The following ARHGAP24 variants were observed in gnomAD, a reference collection of about 807,000 sequenced individuals.
ARHGAP24 encodes rho GTPase-activating protein 24.
In ARHGAP24, 50 loss-of-function variants were observed where a neutral mutation model predicts 76.4. The observed-to-expected ratio is 0.65, with a 90% confidence interval of 0.52 to 0.83. The LOEUF (loss-of-function observed/expected upper bound fraction) is 0.83. Among genes scored for constraint, ARHGAP24 ranks in the 40% least tolerant of loss-of-function variants. ARHGAP24 has a pLI of 0.00. For missense variants in ARHGAP24, 930 were observed against 914.2 expected (o/e 1.02, Z -0.22); for synonymous variants, 345 against 323.3 (o/e 1.07, Z -0.72).
At chr4:85,824,244 G>A (rs1239744594) in intron 3 of ARHGAP24, among the ~76,000 whole-genome samples, 3 of 152,166 alleles carry the variant, frequency 2.0e-5, no homozygotes, top group Non-Finnish European at 4.4e-5. Context: ...TCAGTGTTTC[G>A]ACAGTATTTG....
At chr4:85,640,941 G>A (rs1721497181) in intron 2 of ARHGAP24, among the ~76,000 whole-genome samples, 1 of 151,718 alleles carries the variant, frequency 6.6e-6, no homozygotes, top group African/African-American at 2.4e-5. Flanking sequence ...CAGCACTCAA[G>A]CAAATACAGA....
At chr4:85,965,223 A>G (rs111490781) in intron 5 of ARHGAP24, among the ~76,000 whole-genome samples, 52 of 152,212 alleles carry the variant, frequency 3.4e-4, no homozygotes, top group African/African-American at 1.1e-3. Context: ...TCTTACATGG[A>G]TGGCAGCAGG....
At chr4:85,588,256 T>C (rs1320321923) in intron 2 of ARHGAP24, among the ~76,000 whole-genome samples, 1 of 152,230 alleles carries the variant, frequency 6.6e-6, no homozygotes, top group East Asian at 1.9e-4. Flanking sequence ...AGCCTGCTGT[T>C]GCTTTTTAAT....
At chr4:85,924,050 A>G (rs1735885047) in intron 4 of ARHGAP24, among the ~76,000 whole-genome samples, 1 of 152,262 alleles carries the variant, frequency 6.6e-6, no homozygotes, top group South Asian at 2.1e-4. Context: ...ATTACCGACA[A>G]TACACTGTTA....
At chr4:85,875,634 T>A (rs1732879225) in intron 3 of ARHGAP24, among the ~76,000 whole-genome samples, 1 of 125,126 alleles carries the variant, frequency 8.0e-6, no homozygotes, top group South Asian at 2.2e-4. Context: ...ATATATAATA[T>A]AAATATATAT....
intron 1 of ARHGAP24, among the ~76,000 whole-genome samples, chr4:85,501,732 C>A (rs866910311): frequency 2.6e-5 from 4 of 152,224 alleles, no homozygotes; most frequent in South Asian, 4.1e-4. Flanking sequence ...TTAATTAGAT[C>A]CCATTTGTCT....
intron 3 of ARHGAP24, among the ~76,000 whole-genome samples, chr4:85,813,843 T>TA: frequency 6.8e-6 from 1 of 146,356 alleles, no homozygotes; most frequent in African/African-American, 2.5e-5. Flanking sequence ...TATATATATA[T>TA]TTGTAGTTAG....
chr4:85,564,347 A>G (rs771955127), intron 1 of ARHGAP24, among the ~76,000 whole-genome samples: 3 of 151,154 alleles, frequency 2.0e-5, no homozygotes, highest in African/African-American at 7.3e-5. Context: ...GAGCAATGAG[A>G]ACACTTGGAC....
At position 85,838,413 on chromosome 4, in the gene ARHGAP24, C is replaced by T. The variant is rs534876498; in HGVS notation, c.269-85235C>T. Among the ~76,000 whole-genome samples, 13 of 152,276 alleles carry T rather than the reference C, an allele frequency of 8.5e-5. 1 individual carries two copies. In the South Asian group the frequency reaches 2.7e-3, roughly 32 times the overall value. On this transcript the variant is annotated intron_variant, in intron 3 of 9. Coordinates refer to ENST00000395184, the MANE Select transcript of ARHGAP24 (RefSeq NM_001025616.3). ...GGGATCAAAACCATCCTGGCTAACA[C>T]AGTGAAACCCCATCTCTACTAAAAA...
At chr4:85,556,896 A>C (rs4693116) in intron 1 of ARHGAP24, among the ~76,000 whole-genome samples, 125,001 of 151,978 alleles carry the variant, frequency 0.82, 53,890 homozygotes, top group East Asian at 0.98. Context: ...AGAGCCCAGG[A>C]GGGGGTCACT....
At chr4:85,933,696 T>C (rs1359817185) in intron 4 of ARHGAP24, among the ~76,000 whole-genome samples, 1 of 152,218 alleles carries the variant, frequency 6.6e-6, no homozygotes, top group African/African-American at 2.4e-5. Context: ...ACCTCTATAA[T>C]ATGACTATTA....
intron 3 of ARHGAP24, among the ~76,000 whole-genome samples, chr4:85,902,547 T>C (rs908694160): frequency 1.3e-5 from 2 of 152,216 alleles, no homozygotes; most frequent in Non-Finnish European, 1.5e-5. Context: ...CATGGTCTGG[T>C]AATCATGGCC....
intron 2 of ARHGAP24, among the ~76,000 whole-genome samples, chr4:85,609,842 CA>C (rs1163462401): frequency 1.3e-5 from 2 of 152,114 alleles, no homozygotes; most frequent in Non-Finnish European, 2.9e-5. Context: ...TAAAAATATT[CA>C]AAATTCTTTC....
At chr4:85,703,997 T>C (rs1578155261) in intron 2 of ARHGAP24, among the ~76,000 whole-genome samples, 1 of 152,206 alleles carries the variant, frequency 6.6e-6, no homozygotes, top group African/African-American at 2.4e-5. Flanking sequence ...GTTTTATCTT[T>C]GCCAGAAAGT....
intron 2 of ARHGAP24, among the ~76,000 whole-genome samples, chr4:85,672,443 A>T (rs1722844063): frequency 6.6e-6 from 1 of 152,118 alleles, no homozygotes; most frequent in Non-Finnish European, 1.5e-5. Context: ...CAATGAAGAC[A>T]CTGATAAGAA....
At chr4:85,784,126 T>C (rs17395132) in intron 3 of ARHGAP24, among the ~76,000 whole-genome samples, 1 of 152,130 alleles carries the variant, frequency 6.6e-6, no homozygotes, top group African/African-American at 2.4e-5. Flanking sequence ...AGGTTGCTCA[T>C]GATGGCTGAA....
At chr4:85,787,218 T>C (rs894591390) in intron 3 of ARHGAP24, among the ~76,000 whole-genome samples, 5 of 152,238 alleles carry the variant, frequency 3.3e-5, no homozygotes, top group African/African-American at 1.2e-4. Flanking sequence ...ATGAGCTTGC[T>C]TTTCTTCCCT....
At position 85,582,404 on chromosome 4, in the gene ARHGAP24, T is replaced by C. The variant is rs565720918; in HGVS notation, c.180+11683T>C. On this transcript the variant is annotated intron_variant, in intron 2 of 9. Transcript: ENST00000395184. Reference sequence around the variant, plus strand: ...AATATAGTGTTTATTTAAGATGTTATCTCCGTTTTTGACTCTTTAAACTGC... The same window carrying C: ...AATATAGTGTTTATTTAAGATGTTACCTCCGTTTTTGACTCTTTAAACTGC... Among the ~76,000 whole-genome samples, 3 of 152,202 alleles carry C rather than the reference T, an allele frequency of 2.0e-5. No individual in the cohort carries two copies. The South Asian group carries it at 6.2e-4, about 32-fold the overall frequency.
At chr4:85,576,741 A>G (rs1027838000) in intron 2 of ARHGAP24, among the ~76,000 whole-genome samples, 2 of 152,194 alleles carry the variant, frequency 1.3e-5, no homozygotes, top group Non-Finnish European at 2.9e-5. Flanking sequence ...AGTATTATTC[A>G]TATAAAATAT....
Sources: allele counts gnomAD v4.1 joint callset (sites outside exome capture counted in the v4.1 genomes callset), GRCh38; gene constraint gnomAD v4.1.1; transcripts MANE v1.5; gene names NCBI Gene and HGNC (gene_info 2026-07-23, HGNC 2026-07-21).